Variants in HID1 observed in about 807,000 individuals in gnomAD.
HID1 encodes protein HID1.
In HID1, 42 loss-of-function variants were observed where a neutral mutation model predicts 89.7. That is an observed-to-expected ratio of 0.47 (90% CI 0.37 to 0.61). The LOEUF (loss-of-function observed/expected upper bound fraction) is 0.61. Among genes scored for constraint, HID1 ranks in the 20% least tolerant of loss-of-function variants. HID1 has a pLI of 0.00. For synonymous variants in HID1, 442 were observed against 433.8 expected (o/e 1.02, Z -0.24); for missense variants, 854 against 1,039.3 (o/e 0.82, Z 2.45).
intron 13 of HID1, 58 bp downstream of exon 13, chr17:74,955,734 T>A: frequency 1.9e-6 from 3 of 1,543,652 alleles, no homozygotes; most frequent in Non-Finnish European, 2.7e-6. Flanking sequence ...GCCCCCCTTA[T>A]GTAGGAAGTA....
rs1272818318 is a variant in HID1 at position 74,963,805 on chromosome 17, T to C, written c.322A>G (p.Ile108Val). 2 of 1,613,886 alleles carry C rather than the reference T, an allele frequency of 1.2e-6. No individual in the cohort carries two copies. The highest frequency in any genetic ancestry group is 1.7e-6 in the Non-Finnish European group (2 of 1,179,986). The change falls in exon 3 of 19, where the codon ATC becomes GTC. Residue 108 changes from isoleucine (I) to valine (V), a missense_variant. Coordinates refer to ENST00000425042, the MANE Select transcript of HID1 (RefSeq NM_030630.3). ...SRLLTRVLPYIFEDPDWRGFF... is the reference protein window; with the variant it reads ...SRLLTRVLPYVFEDPDWRGFF... ...CCCCTCCAGTCGGGGTCCTCAAAGATGTAGGGCAGCACGCGGGTGAGCAGC... is the reference window on the plus strand; with the variant it reads ...CCCCTCCAGTCGGGGTCCTCAAAGACGTAGGGCAGCACGCGGGTGAGCAGC...
chr17:74,969,376 T>C (rs900302556), intron 1 of HID1, among the ~76,000 whole-genome samples: 1 of 151,950 alleles, frequency 6.6e-6, no homozygotes, highest in African/African-American at 2.4e-5. Context: ...TTAGTAGAGA[T>C]GGGGTTTCAC....
intron 1 of HID1, among the ~76,000 whole-genome samples, chr17:74,971,596 T>TGG (rs577176039): frequency 6.6e-6 from 1 of 151,058 alleles, no homozygotes; most frequent in Non-Finnish European, 1.5e-5. Context: ...GAGCAGGAGG[T>TGG]GGGGGGGCCA....
chr17:74,958,150 C>A lies in HID1; in HGVS notation c.1462G>T (p.Val488Leu). The change falls in exon 12 of 19, where the codon GTG (valine) becomes TTG (leucine). Residue 488 changes from valine to leucine, a missense_variant. Transcript: ENST00000425042. The surrounding 1 kb of genome is among the most constrained non-coding windows in gnomAD (Gnocchi z 5.2). ...QPLFDCLLTI[V>L]VNVSPYLKSL... Reference sequence around the variant, plus strand: ...AGCTCCGGGCCCCTACCGTTGACCACGATGGTGAGCAGGCAGTCGAAGAGG... The same window carrying A: ...AGCTCCGGGCCCCTACCGTTGACCAAGATGGTGAGCAGGCAGTCGAAGAGG... 1.2e-6 allele frequency: 2 copies of A among 1,608,328 alleles called. No individual in the cohort carries two copies. The highest frequency in any genetic ancestry group is 1.7e-6 in the Non-Finnish European group (2 of 1,177,864).
chr17:74,961,321 G>A (rs570527167), intron 6 of HID1, among the ~76,000 whole-genome samples: 114 of 151,672 alleles, frequency 7.5e-4, no homozygotes, highest in Middle Eastern at 6.8e-3. Flanking sequence ...AGGCTGGAGC[G>A]CAGTGGCGCA....
chr17:74,960,718 G>A (rs1377908487), intron 6 of HID1, among the ~76,000 whole-genome samples: 3 of 152,214 alleles, frequency 2.0e-5, no homozygotes, highest in African/African-American at 7.2e-5. Context: ...ACTGTGGCTG[G>A]TGGAGGGGGT....
At chr17:74,971,696 C>G (rs1385617852) in intron 1 of HID1, among the ~76,000 whole-genome samples, 1 of 152,130 alleles carries the variant, frequency 6.6e-6, no homozygotes, top group Admixed American at 6.5e-5. Flanking sequence ...TCTGTGGCCA[C>G]GGTGGCCTGA....
In HID1 at chr17:74,959,716, C is replaced by T. The variant is rs1309745710; in HGVS notation, c.1008+165G>A. Among the ~76,000 whole-genome samples, 1 of 152,168 alleles carries T rather than the reference C, an allele frequency of 6.6e-6. No individual in the cohort carries two copies. Among genetic ancestry groups the T allele is most frequent in the Non-Finnish European group, 1.5e-5 (1 of 68,016 alleles). On this transcript the variant is annotated intron_variant, in intron 8 of 18. Transcript: ENST00000425042. The surrounding 1 kb of genome is among the most constrained non-coding windows in gnomAD (Gnocchi z 4.6). Reference sequence around the variant, plus strand: ...CCTCTACCCAGGTGAGGCCATCAGCCCTTCCTGCATCTTGAAACCCTCACA... The same window carrying T: ...CCTCTACCCAGGTGAGGCCATCAGCTCTTCCTGCATCTTGAAACCCTCACA...
rs373372729 is a variant in HID1 at position 74,961,849 on chromosome 17, G to T, written c.728+24C>A. The T allele has an allele frequency of 3.7e-6, 5 of 1,364,152 alleles. No individual in the cohort carries two copies. In the East Asian group the frequency reaches 1.1e-4, roughly 30 times the overall value. 84.5% of individuals were successfully genotyped at this position (1,364,152 alleles called of 1,614,324 possible). ...TGCCTGGAATAAGAGGGAAGAGAGC[G>T]CAGAAAGGCCAAGGGCCCTTCACCT... On this transcript the variant is annotated intron_variant, in intron 6 of 18. Coordinates refer to ENST00000425042, the MANE Select transcript of HID1 (RefSeq NM_030630.3).
chr17:74,954,598 C>T (rs2039360744), intron 13 of HID1: 4 of 681,280 alleles, frequency 5.9e-6, no homozygotes, highest in Non-Finnish European at 9.6e-6. Flanking sequence ...AACACCCCCG[C>T]CCCAGTGCCT....
chr17:74,953,611 A>G lies in HID1; in HGVS notation c.1905T>C (p.Asp635=). The change falls in exon 15 of 19, where the codon GAT becomes GAC. Residue 635 remains aspartate, a synonymous_variant. Coordinates refer to ENST00000425042, the MANE Select transcript of HID1 (RefSeq NM_030630.3). ...KLTEKSQVSE[D]GTLRSLEPEP... ...CAGGTTCCAGGGACCGCAAGGTGCCATCCTCTGACACCTGGGACTTCTCGG... is the reference window on the plus strand; with the variant it reads ...CAGGTTCCAGGGACCGCAAGGTGCCGTCCTCTGACACCTGGGACTTCTCGG... The G allele has an allele frequency of 6.2e-7, 1 of 1,614,046 alleles. No individual in the cohort carries two copies. Among genetic ancestry groups the G allele is most frequent in the Non-Finnish European group, 8.5e-7 (1 of 1,179,968 alleles).
In HID1 at chr17:74,958,335, G is replaced by C. The variant is rs767748678; in HGVS notation, c.1384C>G (p.Leu462Val). 1.2e-6 allele frequency: 2 copies of C among 1,613,264 alleles called. No homozygotes were observed. Among genetic ancestry groups the C allele is most frequent in the Middle Eastern group, 1.6e-4 (1 of 6,062 alleles). The change falls in exon 11 of 19, where the codon CTC becomes GTC. Residue 462 changes from leucine to valine, a missense_variant. Physicochemically the swap from Leu to Val is conservative, Grantham distance 32. Transcript: ENST00000425042. This position sits in a 1 kb window ranked among gnomAD's most constrained non-coding sequence, Gnocchi z 5.2. Reference sequence around the variant, plus strand: ...CGCACGAGCCCCCTCACCACAATGAGCAGGTCGGCGTGGGTCCCTGTGAAG... The same window carrying C: ...CGCACGAGCCCCCTCACCACAATGACCAGGTCGGCGTGGGTCCCTGTGAAG... Reference protein sequence around the residue: ...PVFTGTHADLLIVVFHKIITS... With the variant: ...PVFTGTHADLVIVVFHKIITS...
In HID1 at chr17:74,959,800, G is replaced by A; in HGVS notation, c.1008+81C>T. ...CCCACAGAGAGCATGGTTCCTTCAT[G>A]GAGGGGTCAGGATCCCCCATATCCC... On this transcript the variant is annotated intron_variant, in intron 8 of 18. Transcript: ENST00000425042. The surrounding 1 kb of genome is among the most constrained non-coding windows in gnomAD (Gnocchi z 4.6). 1 of 1,425,836 alleles carries A rather than the reference G, an allele frequency of 7.0e-7. No individual in the cohort carries two copies. Among genetic ancestry groups the A allele is most frequent in the Non-Finnish European group, 9.9e-7 (1 of 1,014,138 alleles). The allele number at this position is 1,425,836 out of a possible 1,614,324, so 88.3% of individuals were successfully genotyped here. A position where few individuals can be genotyped will look rare whatever the true frequency, so the allele number is the denominator to read the frequency against.
At chr17:74,956,005 C>T (rs1256186425) in intron 12 of HID1, 49 bp from the exon 13 acceptor site, 3 of 1,576,990 alleles carry the variant, frequency 1.9e-6, no homozygotes, top group African/African-American at 2.7e-5. Context: ...CCAAGCCATC[C>T]CTGCACATCC....
Position 74,958,658 on chromosome 17 carries a change from C to T in HID1, c.1240+15G>A. The T allele has an allele frequency of 6.5e-7, 1 of 1,534,444 alleles. No homozygotes were observed. The highest frequency in any genetic ancestry group is 9.0e-7 in the Non-Finnish European group (1 of 1,108,488). ...CAGGAAAGCCCCCAGCATCCCACCC[C>T]CACCCTGGTCTTACACTGATCGGCC... On this transcript the variant is annotated intron_variant, in intron 10 of 18. Transcript: ENST00000425042. This position sits in a 1 kb window ranked among gnomAD's most constrained non-coding sequence, Gnocchi z 5.2.
Position 74,962,190 on chromosome 17 carries a change from G to T in HID1, c.611+44C>A. 6.7e-7 allele frequency: 1 copy of T among 1,502,130 alleles called. No homozygotes were observed. The highest frequency in any genetic ancestry group is 9.2e-7 in the Non-Finnish European group (1 of 1,091,158). 93.1% of individuals were successfully genotyped at this position (1,502,130 alleles called of 1,614,324 possible). A position where few individuals can be genotyped will look rare whatever the true frequency, so the allele number is the denominator to read the frequency against. ...TCTGAGCTGTGCGGGGGCCCGGCCC[G>T]GGGTCCAGCTGCATTGAGGGCTCCG... On this transcript the variant is annotated intron_variant, in intron 5 of 18. Coordinates refer to ENST00000425042, the MANE Select transcript of HID1 (RefSeq NM_030630.3). The surrounding 1 kb of genome is among the most constrained non-coding windows in gnomAD (Gnocchi z 4.3).
chr17:74,954,410 C>CTCCCCCCG, intron 13 of HID1, 45 bp from the exon 14 acceptor site: 1 of 1,548,294 alleles, frequency 6.5e-7, no homozygotes, highest in African/African-American at 1.4e-5. Context: ...CCCCCTCCAG[C>CTCCCCCCG]TCCCCCCGTC....
In HID1 at chr17:74,972,551, C is replaced by T. The variant is rs745975615; in HGVS notation, c.66+40G>A. The T allele has an allele frequency of 1.1e-5, 17 of 1,529,556 alleles. No homozygotes were observed. The highest frequency in any genetic ancestry group is 2.0e-5 in the Admixed American group (1 of 49,984). The allele number at this position is 1,529,556 out of a possible 1,614,324, so 94.7% of individuals were successfully genotyped here. ...CCCCCGGCCCTGCCCAGCCCCCAGC[C>T]CGGCAGGTGGATGGGGACGCCGGGG... On this transcript the variant is annotated intron_variant, in intron 1 of 18. Coordinates refer to ENST00000425042, the MANE Select transcript of HID1 (RefSeq NM_030630.3). This position sits in a 1 kb window ranked among gnomAD's most constrained non-coding sequence, Gnocchi z 6.4.
chr17:74,954,323 ATGC>A lies in HID1; in HGVS notation c.1676_1678del (p.Ser559del), dbSNP rs2039355444. The stretch of plus-strand genomic sequence containing the variant: ...GGGCAGGTTGGCCAGCTGGTGGAAG[ATGC>A]TGCGCTTGCGGATGATGGCGTAGAC... On this transcript the variant is annotated inframe_deletion, in exon 14 of 19. Transcript: ENST00000425042. 6.3e-7 allele frequency: 1 copy of A among 1,585,386 alleles called. No individual in the cohort carries two copies. The highest frequency in any genetic ancestry group is 1.3e-5 in the African/African-American group (1 of 74,386).
Sources: gnomAD v4.1 joint callset for allele counts (sites outside exome capture counted in the v4.1 genomes callset) on GRCh38, gnomAD v4.1.1 for gene constraint, Gnocchi (gnomAD v3.1) non-coding constraint, MANE v1.5 for transcripts, NCBI Gene and HGNC (gene_info 2026-07-23, HGNC 2026-07-21) for gene names.